The following STOML3 variants were observed in gnomAD, a reference collection of about 807,000 sequenced individuals.
STOML3 encodes stomatin-like protein 3.
STOML3 carries 31 observed loss-of-function variants against 29.5 expected under a neutral mutation model. The ratio of observed to expected loss-of-function variants is 1.05; its 90% CI spans 0.79 to 1.42. The LOEUF (loss-of-function observed/expected upper bound fraction) is 1.42, where lower values mean the gene tolerates loss of function less well. Among genes scored for constraint, STOML3 ranks in the 40% most tolerant of loss-of-function variants. The pLI is 0.00. For missense variants in STOML3, 380 were observed against 363.0 expected, an observed-to-expected ratio of 1.05 and a Z score of -0.38; for synonymous variants, 122 against 139.8, an observed-to-expected ratio of 0.87 and a Z score of 0.90.
At chr13:38,986,939 T>C (rs1227349801) in intron 1 of STOML3, among the ~76,000 whole-genome samples, 1 of 152,128 alleles carries the variant, frequency 6.6e-6, no homozygotes, top group Non-Finnish European at 1.5e-5. Context: ...TGCATGTTAA[T>C]TTTGAGAAGA....
chr13:38,983,892 G>A (rs777082883), intron 1 of STOML3, among the ~76,000 whole-genome samples: 1 of 152,114 alleles, frequency 6.6e-6, no homozygotes, highest in Non-Finnish European at 1.5e-5. Flanking sequence ...TATTTTGAAA[G>A]TGAACATTCA....
At chr13:38,989,352 T>G (rs1013073907) in intron 1 of STOML3, among the ~76,000 whole-genome samples, 2 of 152,146 alleles carry the variant, frequency 1.3e-5, no homozygotes, top group African/African-American at 4.8e-5. Flanking sequence ...TCATGAAGGA[T>G]AAATAAGGGG....
At chr13:38,970,411 A>G in intron 4 of STOML3, 23 bp from the exon 5 acceptor site, 1 of 1,601,636 alleles carries the variant, frequency 6.2e-7, no homozygotes, top group Non-Finnish European at 8.5e-7. Context: ...AACAGGGCAA[A>G]ATCACTTATT....
At chr13:38,985,044 A>T (rs1356550698) in intron 1 of STOML3, among the ~76,000 whole-genome samples, 1 of 152,186 alleles carries the variant, frequency 6.6e-6, no homozygotes, top group Non-Finnish European at 1.5e-5. Context: ...TTCTCTCAAA[A>T]AAGTCAATTA....
At chr13:38,988,550 ATATTTTATATATAATATATTTTATAT>A (rs1868821698) in intron 1 of STOML3, among the ~76,000 whole-genome samples, 1 of 128,386 alleles carries the variant, frequency 7.8e-6, no homozygotes, top group East Asian at 2.3e-4. Flanking sequence ...TTTATATCAT[ATATTTTATATATAATATATTTTATAT>A]CATATATTTT....
Position 38,976,020 on chromosome 13 carries a change from A to G in STOML3, c.229+520T>C, listed in dbSNP as rs569152627. 1.2e-4 allele frequency among the ~76,000 whole-genome samples: 19 copies of G among 152,228 alleles called. No individual in the cohort carries two copies. In the South Asian group the frequency reaches 3.5e-3, roughly 28 times the overall value. On this transcript the variant is annotated intron_variant, in intron 3 of 6. Transcript: ENST00000379631. ...GTTGGCCTCATGTTCTTTGTTTTCA[A>G]AACCAAGGGATTTGGCCAAAGGCGC...
At position 38,985,915 on chromosome 13, in the gene STOML3, T is replaced by C. The variant is rs867276450; in HGVS notation, c.52+4755A>G. Among the ~76,000 whole-genome samples the C allele has an allele frequency of 3.5e-3, 372 of 106,572 alleles. 1 individual carries two copies. The highest frequency in any genetic ancestry group is 0.017 in the African/African-American group (352 of 20,140). 69.9% of individuals were successfully genotyped at this position (106,572 alleles called of 152,430 possible). Reference sequence around the variant, plus strand: ...TTTTTTTTTTTTCTTTTCTTTCTTTTTTTTTTTTTTTTTTTTTTGTTTGAG... The same window carrying C: ...TTTTTTTTTTTTCTTTTCTTTCTTTCTTTTTTTTTTTTTTTTTTGTTTGAG... On this transcript the variant is annotated intron_variant, in intron 1 of 6. Transcript: ENST00000379631.
At chr13:38,968,711 T>A (rs1006846823) in intron 5 of STOML3, among the ~76,000 whole-genome samples, 177 bp from the exon 6 acceptor site, 3 of 152,212 alleles carry the variant, frequency 2.0e-5, no homozygotes, top group African/African-American at 7.2e-5. Flanking sequence ...TTATTGATCA[T>A]TTTTTGGAAT....
At chr13:38,987,545 G>T (rs1033466548) in intron 1 of STOML3, among the ~76,000 whole-genome samples, 2 of 150,384 alleles carry the variant, frequency 1.3e-5, no homozygotes, top group South Asian at 4.2e-4. Context: ...TAATGTTCCT[G>T]CTGGAAAGGA....
chr13:38,970,433 C>G, intron 4 of STOML3, 45 bp from the exon 5 acceptor site: 1 of 1,536,490 alleles, frequency 6.5e-7, no homozygotes. Context: ...ATGACTTTCA[C>G]CACTACTGAC....
intron 1 of STOML3, among the ~76,000 whole-genome samples, chr13:38,978,822 T>C (rs1881181008): frequency 6.6e-6 from 1 of 152,222 alleles, no homozygotes; most frequent in African/African-American, 2.4e-5. Context: ...GTTTTTGCTC[T>C]TATAAGCGAT....
intron 1 of STOML3, among the ~76,000 whole-genome samples, chr13:38,987,503 T>A (rs1868630353): frequency 6.6e-6 from 1 of 150,936 alleles, no homozygotes; most frequent in South Asian, 2.1e-4. Context: ...AAAAATAAAA[T>A]AAATAAAGTG....
intron 6 of STOML3, 108 bp downstream of exon 6, chr13:38,968,292 C>T: frequency 1.4e-6 from 2 of 1,469,232 alleles, no homozygotes; most frequent in Non-Finnish European, 1.8e-6. Context: ...AAAGAAACCC[C>T]TTTCTCATGC....
intron 1 of STOML3, among the ~76,000 whole-genome samples, chr13:38,979,758 A>C (rs1331592739): frequency 6.6e-6 from 1 of 152,156 alleles, no homozygotes; most frequent in Non-Finnish European, 1.5e-5. Flanking sequence ...TATATGTCTC[A>C]CTGGGCTAAT....
chr13:38,990,652 C>T lies in STOML3; in HGVS notation c.52+18G>A, dbSNP rs1868966714. The T allele has an allele frequency of 1.2e-6, 2 of 1,613,458 alleles. No individual in the cohort carries two copies. The highest frequency in any genetic ancestry group is 1.7e-6 in the Non-Finnish European group (2 of 1,179,684). On this transcript the variant is annotated intron_variant, in intron 1 of 6. Transcript: ENST00000379631. ...ATATATGTAAAAAACAAGCCTAAGACAGGAAAAAGGAACTTACCCACGAAA... is the reference window on the plus strand; with the variant it reads ...ATATATGTAAAAAACAAGCCTAAGATAGGAAAAAGGAACTTACCCACGAAA...
rs1293747115 is a variant in STOML3, at chr13:38,987,876, TATATTTTATATA to T, written c.52+2782_52+2793del. ...ATATTATATGTTATATATAATATAT[TATATTTTATATA>T]ATATATTATGTTATATATAATATAT... On this transcript the variant is annotated intron_variant, in intron 1 of 6. Coordinates refer to ENST00000379631, the MANE Select transcript of STOML3 (RefSeq NM_145286.3). Among the ~76,000 whole-genome samples the T allele has an allele frequency of 2.7e-5, 2 of 74,186 alleles. 1 individual carries two copies. Among genetic ancestry groups the T allele is most frequent in the Non-Finnish European group, 4.1e-5 (2 of 48,194 alleles). The allele number at this position is 74,186 out of a possible 152,430, so 48.7% of individuals were successfully genotyped here.
intron 1 of STOML3, among the ~76,000 whole-genome samples, chr13:38,989,127 A>G (rs1475269992): frequency 6.6e-6 from 1 of 151,422 alleles, no homozygotes; most frequent in Non-Finnish European, 1.5e-5. Context: ...TCCACACTGT[A>G]TCTCTCCTAA....
At chr13:38,975,268 C>T (rs1026000791) in intron 3 of STOML3, among the ~76,000 whole-genome samples, 2 of 151,420 alleles carry the variant, frequency 1.3e-5, no homozygotes, top group African/African-American at 4.9e-5. Context: ...TTGCAGTGAG[C>T]CGAGATCACG....
At chr13:38,975,352 G>A (rs4525366) in intron 3 of STOML3, among the ~76,000 whole-genome samples, 92,897 of 146,114 alleles carry the variant, frequency 0.64, 29,352 homozygotes, top group East Asian at 0.81. Flanking sequence ...AAAAAAAGAA[G>A]GAAAGCCAAG....
Sources: gnomAD v4.1 joint callset for allele counts (sites outside exome capture counted in the v4.1 genomes callset) on GRCh38, gnomAD v4.1.1 for gene constraint, MANE v1.5 for transcripts, NCBI Gene and HGNC (gene_info 2026-07-23, HGNC 2026-07-21) for gene names.